TASP1: variants seen among roughly 807,000 people sequenced by gnomAD.
TASP1 encodes the protein taspase 1, also known as threonine aspartase 1.
A neutral mutation model predicts 56.6 loss-of-function variants in TASP1; 16 were observed. That is an observed-to-expected ratio of 0.28 (90% CI 0.19 to 0.43). The LOEUF (loss-of-function observed/expected upper bound fraction) is 0.43, where lower values mean the gene tolerates loss of function less well. TASP1 is among the 20% of genes least tolerant of loss of function. The probability of loss-of-function intolerance (pLI) is 1.00; values close to 1 mark genes in which losing one functional copy is unlikely to be tolerated. For missense variants in TASP1, 393 were observed against 511.6 expected (o/e 0.77, Z 2.24); for synonymous variants, 179 against 184.2 (o/e 0.97, Z 0.23).
the TASP1 span, chr20:13,368,154 T>C: frequency 1.3e-5 from 2 of 152,212 alleles, no homozygotes; most frequent in Non-Finnish European, 2.9e-5. Context: ...TCCTAAACCA[T>C]GGTTTGAGAC....
Position 13,559,024 on chromosome 20 carries a change from C to T in TASP1, c.659G>A (p.Arg220Lys). The change falls in exon 8 of 14, where the codon AGA (arginine) becomes AAA (lysine). Residue 220 changes from arginine to lysine, a missense_variant. Coordinates refer to ENST00000337743, the MANE Select transcript of TASP1 (RefSeq NM_017714.3). ...DTDFMQLKKR[R>K]QSSEKENDSG... ...CCACCTGACCTTCTCACTTGATTGT[C>T]TTCTTTTCTTTAGTTGCATAAAATC... 1 of 1,590,482 alleles carries T rather than the reference C, an allele frequency of 6.3e-7. No individual in the cohort carries two copies. The highest frequency in any genetic ancestry group is 8.6e-7 in the Non-Finnish European group (1 of 1,168,536).
the TASP1 span, among the ~76,000 whole-genome samples, chr20:13,197,283 G>A: frequency 1.0e-3 from 155 of 152,286 alleles, no homozygotes; most frequent in African/African-American, 3.5e-3. Context: ...CCTAGCTCAC[G>A]AGAGGATTTG....
intron 10 of TASP1, among the ~76,000 whole-genome samples, chr20:13,509,098 CAATG>C (rs941194467): frequency 1.3e-4 from 20 of 149,086 alleles, no homozygotes; most frequent in Non-Finnish European, 1.8e-4. Context: ...AAGTGTCTAT[CAATG>C]AATGAATGAA....
intron 6 of TASP1, among the ~76,000 whole-genome samples, chr20:13,574,052 T>C (rs913357885): frequency 5.9e-5 from 9 of 151,584 alleles, no homozygotes; most frequent in African/African-American, 9.7e-5. Flanking sequence ...AAGCTTCAGC[T>C]AAGTAGAGAT....
chr20:13,488,483 A>C (rs988137723), intron 10 of TASP1, among the ~76,000 whole-genome samples: 1 of 152,208 alleles, frequency 6.6e-6, no homozygotes, highest in African/African-American at 2.4e-5. Flanking sequence ...CTACCATTCT[A>C]CTAGAGTGAG....
At chr20:13,512,538 C>G (rs966128672) in intron 10 of TASP1, among the ~76,000 whole-genome samples, 1 of 152,254 alleles carries the variant, frequency 6.6e-6, no homozygotes, top group South Asian at 2.1e-4. Context: ...AAACTTTTCT[C>G]CCATTCTGTA....
At chr20:13,593,864 T>G (rs111753146) in intron 4 of TASP1, among the ~76,000 whole-genome samples, 83 of 152,294 alleles carry the variant, frequency 5.4e-4, no homozygotes, top group African/African-American at 1.8e-3. Flanking sequence ...TCCCAGCATT[T>G]CATTTCAGCT....
rs1234231411 is a variant in TASP1, at chr20:13,592,137, A to G, written c.283-4767T>C. Among the ~76,000 whole-genome samples the G allele has an allele frequency of 2.0e-5, 3 of 152,100 alleles. No individual in the cohort carries two copies. The East Asian group carries it at 5.8e-4, about 29-fold the overall frequency. The stretch of plus-strand genomic sequence containing the variant: ...AATTTAGCTGGGCACAGTGGCGCAC[A>G]CCTGTAATCCCAGCACTTTGGGAGG... On this transcript the variant is annotated intron_variant, in intron 4 of 13. Transcript: ENST00000337743.
the TASP1 span, among the ~76,000 whole-genome samples, chr20:13,138,372 T>C: frequency 6.6e-6 from 1 of 152,302 alleles, no homozygotes; most frequent in Non-Finnish European, 1.5e-5. Flanking sequence ...CATTATCTCC[T>C]GAGCCCCTGG....
intron 13 of TASP1, among the ~76,000 whole-genome samples, chr20:13,400,341 C>T (rs2041691261): frequency 6.6e-6 from 1 of 152,110 alleles, no homozygotes; most frequent in Non-Finnish European, 1.5e-5. Context: ...AATAAGGCTT[C>T]CGTCTTAGTC....
intron 5 of TASP1, among the ~76,000 whole-genome samples, chr20:13,586,129 C>T (rs1009817040): frequency 4.1e-5 from 6 of 146,674 alleles, no homozygotes; most frequent in African/African-American, 7.6e-5. Context: ...AATGAGACTC[C>T]GCACCACTGC....
At chr20:13,554,505 G>A (rs182738174) in intron 8 of TASP1, among the ~76,000 whole-genome samples, 11 of 97,688 alleles carry the variant, frequency 1.1e-4, no homozygotes, top group Admixed American at 9.7e-4. Context: ...TTGTATAATC[G>A]ATTACTTTAA....
At chr20:13,392,816 C>T (rs1321539339) in intron 13 of TASP1, 1 of 638,152 alleles carries the variant, frequency 1.6e-6, no homozygotes, top group African/African-American at 1.8e-5. Context: ...TACATGTTCC[C>T]ATATGATTCC....
chr20:13,585,612 CAAATT>C (rs67002107), intron 5 of TASP1, among the ~76,000 whole-genome samples: 72,986 of 151,286 alleles, frequency 0.48, 18,727 homozygotes, highest in African/African-American at 0.66. Flanking sequence ...TAGGGACACT[CAAATT>C]GAATACCACT....
intron 8 of TASP1, among the ~76,000 whole-genome samples, chr20:13,541,864 T>C (rs1054416232): frequency 6.6e-6 from 1 of 151,720 alleles, no homozygotes; most frequent in Admixed American, 6.6e-5. Flanking sequence ...AAACACACAG[T>C]GAAACCCTGT....
the TASP1 span, among the ~76,000 whole-genome samples, chr20:13,271,915 A>G: frequency 2.6e-4 from 39 of 152,142 alleles, 1 homozygote; most frequent in East Asian, 2.1e-3. Flanking sequence ...AGTAGCTGGA[A>G]CTTCAAGTGT....
At chr20:13,528,219 C>CAAAAAAAAAAA (rs397942980) in intron 10 of TASP1, among the ~76,000 whole-genome samples, 3 of 54,318 alleles carry the variant, frequency 5.5e-5, no homozygotes, top group Non-Finnish European at 9.7e-5. Context: ...GACTCTGACT[C>CAAAAAAAAAAA]AAAAAAAAAA....
the TASP1 span, among the ~76,000 whole-genome samples, chr20:13,186,058 T>A: frequency 6.6e-6 from 1 of 152,140 alleles, no homozygotes; most frequent in South Asian, 2.1e-4. Flanking sequence ...TAGTAAGAAC[T>A]CTCAAATAGT....
intron 7 of TASP1, among the ~76,000 whole-genome samples, chr20:13,563,220 C>T (rs1243252670): frequency 1.3e-5 from 2 of 151,254 alleles, no homozygotes; most frequent in African/African-American, 2.4e-5. Context: ...AACACAAAAC[C>T]TACAAGACTG....
Sources: gnomAD v4.1 joint callset for allele counts (sites outside exome capture counted in the v4.1 genomes callset) on GRCh38, gnomAD v4.1.1 for gene constraint, MANE v1.5 for transcripts, NCBI Gene and HGNC (gene_info 2026-07-23, HGNC 2026-07-21) for gene names.